Variants in CEP72 observed in about 807,000 individuals in gnomAD.
CEP72 encodes the protein centrosomal protein 72.
In CEP72, 78 loss-of-function variants were observed where a neutral mutation model predicts 65.7. The ratio of observed to expected loss-of-function variants is 1.19; its 90% CI spans 0.99 to 1.43. CEP72 has a LOEUF of 1.43. CEP72 is among the 40% of genes most tolerant of loss of function. The pLI is 0.00. For missense variants in CEP72, 914 were observed against 832.9 expected (o/e 1.10, Z -1.20); for synonymous variants, 358 against 351.7 (o/e 1.02, Z -0.20).
At chr5:614,779 A>G (rs1166673262) in intron 1 of CEP72, among the ~76,000 whole-genome samples, 2 of 152,078 alleles carry the variant, frequency 1.3e-5, no homozygotes, top group African/African-American at 4.8e-5. Context: ...TAATTCTTTT[A>G]AATTTGTCAG....
intron 10 of CEP72, among the ~76,000 whole-genome samples, chr5:647,411 C>T (rs1001852296): frequency 2.0e-5 from 3 of 152,268 alleles, no homozygotes; most frequent in African/African-American, 7.2e-5. Flanking sequence ...CCACTGTGGG[C>T]TGCTTGGTGC....
At chr5:652,863 A>T in intron 11 of CEP72, 125 bp from the exon 12 acceptor site, 1 of 1,031,442 alleles carries the variant, frequency 9.7e-7, no homozygotes, top group Non-Finnish European at 1.4e-6. Flanking sequence ...CCACAGAGAT[A>T]GGTCTGTGTG....
At chr5:650,240 C>T (rs148058737) in intron 11 of CEP72, among the ~76,000 whole-genome samples, 484 of 11,788 alleles carry the variant, frequency 0.041, no homozygotes, top group Middle Eastern at 0.1. Flanking sequence ...GACTGTGAGG[C>T]GTGGACTGTG....
chr5:674,630 C>T, the CEP72 span, among the ~76,000 whole-genome samples: 1 of 152,112 alleles, frequency 6.6e-6, no homozygotes, highest in Admixed American at 6.5e-5. Context: ...GGTGACCCAC[C>T]AGAGCGGCCC....
At chr5:662,819 T>A (rs1281785191) in intron 1 of CEP72, 3 of 152,472 alleles carry the variant, frequency 2.0e-5, no homozygotes, top group Admixed American at 1.3e-4. Context: ...ACACAAGGGC[T>A]TTGGAGTTGT....
chr5:648,802 CGTGGACTGTGAGGT>C (rs1738646791), intron 11 of CEP72, among the ~76,000 whole-genome samples: 1 of 79,662 alleles, frequency 1.3e-5, no homozygotes, highest in Admixed American at 1.5e-4. Context: ...GACTGTGAGG[CGTGGACTGTGAGGT>C]GTGACTGTGA....
At chr5:625,005 C>T (rs889418185) in intron 4 of CEP72, among the ~76,000 whole-genome samples, 1 of 152,178 alleles carries the variant, frequency 6.6e-6, no homozygotes, top group Non-Finnish European at 1.5e-5. Context: ...GGACTTCTTC[C>T]TCCCCCACCC....
At chr5:662,185 C>G (rs934541731) in intron 1 of CEP72, 4 of 152,586 alleles carry the variant, frequency 2.6e-5, no homozygotes, top group Admixed American at 6.5e-5. Flanking sequence ...TCCGGCCACT[C>G]CAGCCAGGTC....
intron 9 of CEP72, chr5:643,342 C>T (rs1180030703): frequency 1.0e-6 from 1 of 985,340 alleles, no homozygotes; most frequent in East Asian, 1.1e-4. Context: ...GAGGGCAGGT[C>T]ATGCTGGTTG....
chr5:617,197 TG>T (rs573783758), intron 1 of CEP72, among the ~76,000 whole-genome samples: 1 of 152,196 alleles, frequency 6.6e-6, no homozygotes, highest in Non-Finnish European at 1.5e-5. Context: ...GACTCAGCGC[TG>T]GGTTCTCTCT....
chr5:629,327 G>C (rs1353301084), intron 4 of CEP72, among the ~76,000 whole-genome samples: 1 of 152,274 alleles, frequency 6.6e-6, no homozygotes, highest in Non-Finnish European at 1.5e-5. Context: ...TTGTGGATGT[G>C]CTAGGAAAAG....
At chr5:636,522 G>A (rs959881530) in intron 6 of CEP72, among the ~76,000 whole-genome samples, 15 of 152,198 alleles carry the variant, frequency 9.9e-5, no homozygotes, top group African/African-American at 1.4e-4. Context: ...ACCTCCTGCC[G>A]TGAGCAGGCC....
At position 613,512 on chromosome 5, in the gene CEP72, C is replaced by T. The variant is rs777148243; in HGVS notation, c.82+1069C>T. On this transcript the variant is annotated intron_variant, in intron 1 of 11. Transcript: ENST00000264935. ...TCCTGAGTAGCTGGGATTACAAGCA[C>T]GCGCCACCATGCCCGGCTAATTTTT... is the stretch of plus-strand genomic sequence containing the variant. Among the ~76,000 whole-genome samples, 106 of 152,256 alleles carry T rather than the reference C, an allele frequency of 7.0e-4. 1 individual carries two copies. Among genetic ancestry groups the T allele is most frequent in the African/African-American group, 2.1e-3 (88 of 41,554 alleles).
intron 10 of CEP72, among the ~76,000 whole-genome samples, chr5:646,084 C>T (rs1273740628): frequency 1.3e-5 from 2 of 152,192 alleles, no homozygotes; most frequent in Non-Finnish European, 2.9e-5. Context: ...CACTCTTGCT[C>T]CCATTGGCGG....
intron 9 of CEP72, chr5:643,621 C>T (rs1479987254): frequency 9.1e-6 from 9 of 985,112 alleles, no homozygotes; most frequent in Non-Finnish European, 9.6e-6. Context: ...CTGCTCAGCA[C>T]CCCCGGCCCC....
At chr5:651,713 G>A (rs2126829954) in intron 11 of CEP72, among the ~76,000 whole-genome samples, 1 of 152,148 alleles carries the variant, frequency 6.6e-6, no homozygotes, top group East Asian at 1.9e-4. Context: ...GCTGCTGGAG[G>A]AGGCAAGGAC....
rs112146393 is a variant in CEP72 at position 651,498 on chromosome 5, G to C, written c.1779-1490G>C. Among the ~76,000 whole-genome samples, 333 of 152,070 alleles carry C rather than the reference G, an allele frequency of 2.2e-3. 1 individual carries two copies. Among genetic ancestry groups the C allele is most frequent in the African/African-American group, 7.8e-3 (321 of 41,414 alleles). ...GCGGGGCAACCTGGTTCCCCTGGGC[G>C]GTAGTCCGGCAGCTGTGCTTCCCCC... On this transcript the variant is annotated intron_variant, in intron 11 of 11. Coordinates refer to ENST00000264935, the MANE Select transcript of CEP72 (RefSeq NM_018140.4).
In CEP72 at chr5:618,970, T is replaced by C. The variant is rs1382080995; in HGVS notation, c.83-20T>C. On this transcript the variant is annotated intron_variant, in intron 1 of 11. Coordinates refer to ENST00000264935, the MANE Select transcript of CEP72 (RefSeq NM_018140.4). The stretch of plus-strand genomic sequence containing the variant: ...TTTTCAAAATAAAAGATTAAAATCT[T>C]ACAATTTTTCTATTCTTAGCTGAGC... 1 of 1,580,826 alleles carries C rather than the reference T, an allele frequency of 6.3e-7. No individual in the cohort carries two copies. Among genetic ancestry groups the C allele is most frequent in the Non-Finnish European group, 8.7e-7 (1 of 1,153,292 alleles).
At chr5:674,221 A>AG in the CEP72 span, among the ~76,000 whole-genome samples, 3 of 152,188 alleles carry the variant, frequency 2.0e-5, no homozygotes, top group Non-Finnish European at 4.4e-5. Flanking sequence ...GGCGGCACAG[A>AG]GGGCACCCAG....
Sources: gnomAD v4.1 joint callset for allele counts (sites outside exome capture counted in the v4.1 genomes callset) on GRCh38, gnomAD v4.1.1 for gene constraint, MANE v1.5 for transcripts, NCBI Gene and HGNC (gene_info 2026-07-23, HGNC 2026-07-21) for gene names.